The following CDYL variants were observed in gnomAD, a reference collection of about 807,000 sequenced individuals.
CDYL encodes the protein chromodomain Y like.
Under a neutral mutation model 47.3 loss-of-function variants are expected in CDYL, and 8 were observed. The ratio of observed to expected loss-of-function variants is 0.17; its 90% CI spans 0.10 to 0.31. The LOEUF is 0.31. Ranked by LOEUF, CDYL falls within the 10% of genes least tolerant of loss-of-function variation. The probability of loss-of-function intolerance (pLI) is 1.00; values close to 1 mark genes in which losing one functional copy is unlikely to be tolerated. For synonymous variants in CDYL, 266 were observed against 265.0 expected, an observed-to-expected ratio of 1.00 and a Z score of -0.04; for missense variants, 471 against 701.4, an observed-to-expected ratio of 0.67 and a Z score of 3.71.
intron 5 of CDYL, among the ~76,000 whole-genome samples, chr6:4,951,834 T>A (rs911249307): frequency 6.6e-6 from 1 of 152,190 alleles, no homozygotes; most frequent in Non-Finnish European, 1.5e-5. Flanking sequence ...ACTTTGCATA[T>A]GCTGATTTTC....
intron 1 of CDYL, among the ~76,000 whole-genome samples, chr6:4,852,603 C>CTTCCAATCT (rs1561670497): frequency 1.1e-4 from 13 of 122,986 alleles, no homozygotes; most frequent in South Asian, 4.7e-4. Flanking sequence ...TCCTTCCTTC[C>CTTCCAATCT]TCCTTCCTTC....
chr6:4,775,000 AG>A (rs752679576), upstream of CDYL, among the ~76,000 whole-genome samples: 11 of 152,334 alleles, frequency 7.2e-5, no homozygotes, highest in Non-Finnish European at 1.0e-4. Context: ...TGGGGAGGAC[AG>A]GAAACCGCGG....
chr6:4,906,873 A>G (rs1393731358), intron 2 of CDYL, among the ~76,000 whole-genome samples: 2 of 152,152 alleles, frequency 1.3e-5, no homozygotes, highest in African/African-American at 4.8e-5. Flanking sequence ...TTCTGTTAAT[A>G]TGTTCTCAGT....
chr6:4,852,592 C>CTCCT (rs1218946730), intron 1 of CDYL, among the ~76,000 whole-genome samples: 3 of 118,292 alleles, frequency 2.5e-5, no homozygotes, highest in African/African-American at 4.2e-5. Flanking sequence ...ATCTTCCTTC[C>CTCCT]TCCTTCCTTC....
intron 1 of CDYL, among the ~76,000 whole-genome samples, chr6:4,872,324 C>CTTTTTTTTTTTTTT (rs56242830): frequency 8.2e-6 from 1 of 121,648 alleles, no homozygotes. Flanking sequence ...TTTGATTTGG[C>CTTTTTTTTTTTTTT]TTTTTTTTTT....
rs184030468 is a variant in CDYL at position 4,922,883 on chromosome 6, C to T, written c.692-12632C>T. 4.8e-3 allele frequency among the ~76,000 whole-genome samples: 735 copies of T among 152,308 alleles called. 3 individuals carry two copies. The highest frequency in any genetic ancestry group is 6.8e-3 in the Non-Finnish European group (465 of 68,030). Reference sequence around the variant, plus strand: ...GTGCGTCTGATCACACACCACGGGGCCTGAGCTCCACCCAGAGTCCTCGGG... The same window carrying T: ...GTGCGTCTGATCACACACCACGGGGTCTGAGCTCCACCCAGAGTCCTCGGG... On this transcript the variant is annotated intron_variant, in intron 2 of 6. Coordinates refer to ENST00000397588, the MANE Select transcript of CDYL (RefSeq NM_004824.4).
intron 5 of CDYL, among the ~76,000 whole-genome samples, chr6:4,951,562 T>C (rs938154024): frequency 6.6e-6 from 1 of 152,020 alleles, no homozygotes; most frequent in Admixed American, 6.5e-5. Context: ...CTTTCTCCAC[T>C]GAGCCGTGTG....
chr6:4,907,492 G>A (rs982696728), intron 2 of CDYL, among the ~76,000 whole-genome samples: 5 of 152,112 alleles, frequency 3.3e-5, no homozygotes, highest in African/African-American at 1.2e-4. Flanking sequence ...AAGTAGCCGG[G>A]ACTGCAGGCG....
chr6:4,723,312 G>A (rs1222519850), intron 2 of CDYL, among the ~76,000 whole-genome samples: 1 of 151,954 alleles, frequency 6.6e-6, no homozygotes. Context: ...GTGGATTTTG[G>A]TATTCCTAGG....
At chr6:4,899,253 C>T (rs558136668) in intron 2 of CDYL, among the ~76,000 whole-genome samples, 131 of 152,308 alleles carry the variant, frequency 8.6e-4, no homozygotes, top group African/African-American at 2.9e-3. Flanking sequence ...TCCCTCTATC[C>T]TCTTAGGTTT....
At chr6:4,827,683 CCTCA>C (rs1442499299) in intron 1 of CDYL, among the ~76,000 whole-genome samples, 1 of 152,028 alleles carries the variant, frequency 6.6e-6, no homozygotes, top group Non-Finnish European at 1.5e-5. Flanking sequence ...TGAGACAGAG[CCTCA>C]CTCTGTCACC....
chr6:4,862,220 C>G (rs1056793735), intron 1 of CDYL, among the ~76,000 whole-genome samples: 1 of 152,194 alleles, frequency 6.6e-6, no homozygotes, highest in African/African-American at 2.4e-5. Context: ...CCCTGATCCC[C>G]TGGCATAGTC....
chr6:4,836,257 A>G (rs1482043164), intron 1 of CDYL: 7 of 985,432 alleles, frequency 7.1e-6, no homozygotes, highest in African/African-American at 5.2e-5. Context: ...AGTCAGCCAC[A>G]AATGCTACCC....
At chr6:4,897,216 T>C (rs1420436828) in intron 2 of CDYL, among the ~76,000 whole-genome samples, 1 of 152,244 alleles carries the variant, frequency 6.6e-6, no homozygotes, top group Non-Finnish European at 1.5e-5. Flanking sequence ...TCCGTAAGTA[T>C]GAAATTTCAG....
chr6:4,805,793 C>T (rs2127441613), intron 1 of CDYL, among the ~76,000 whole-genome samples: 1 of 152,308 alleles, frequency 6.6e-6, no homozygotes, highest in South Asian at 2.1e-4. Context: ...TGGATGATGC[C>T]TAAGAGGCTT....
chr6:4,735,313 C>T lies in CDYL; in HGVS notation c.186+469C>T, dbSNP rs189692589. ...CTCAAAAAAAAGAAAAAAAAAAGGA[C>T]GTTTTTAAGTTTATAAAATAAAATA... On this transcript the variant is annotated intron_variant, in intron 3 of 8. Transcript: ENST00000328908. Among the ~76,000 whole-genome samples, 450 of 151,454 alleles carry T rather than the reference C, an allele frequency of 3.0e-3. 7 individuals are homozygous for T. Among genetic ancestry groups the T allele is most frequent in the African/African-American group, 1.0e-2 (411 of 41,286 alleles).
rs1757856724 is a variant in CDYL at position 4,744,661 on chromosome 6, A to G, written c.186+9817A>G. Among the ~76,000 whole-genome samples the G allele has an allele frequency of 2.6e-5, 4 of 152,332 alleles. No homozygotes were observed. In the South Asian group the frequency reaches 8.3e-4, roughly 32 times the overall value. On this transcript the variant is annotated intron_variant, in intron 3 of 8. Coordinates refer to the CDYL transcript ENST00000328908. ...TCTTTACATACCTTTACTAATCTCT[A>G]AAAACCTTATGAGGTAGATACTACT...
intron 2 of CDYL, among the ~76,000 whole-genome samples, chr6:4,903,902 A>C (rs991876479): frequency 2.0e-5 from 3 of 152,202 alleles, no homozygotes; most frequent in Non-Finnish European, 4.4e-5. Flanking sequence ...AGTTTCTGGA[A>C]GCTCCATGCC....
At chr6:4,900,792 T>C (rs1265876134) in intron 2 of CDYL, among the ~76,000 whole-genome samples, 1 of 55,848 alleles carries the variant, frequency 1.8e-5, no homozygotes, top group African/African-American at 7.0e-5. Flanking sequence ...TATATATATA[T>C]ATATATATAT....
Sources: gnomAD v4.1 joint callset for allele counts (sites outside exome capture counted in the v4.1 genomes callset) on GRCh38, gnomAD v4.1.1 for gene constraint, MANE v1.5 for transcripts, NCBI Gene and HGNC (gene_info 2026-07-23, HGNC 2026-07-21) for gene names.